NOX4: variants seen among roughly 807,000 people sequenced by gnomAD.
NOX4 encodes kidney oxidase-1.
Under a neutral mutation model 87.6 loss-of-function variants are expected in NOX4, and 69 were observed. That is an observed-to-expected ratio of 0.79 (90% confidence interval 0.65 to 0.96). The LOEUF (loss-of-function observed/expected upper bound fraction) is 0.96, where lower values mean the gene tolerates loss of function less well. Ranked by LOEUF, NOX4 falls within the 40% of genes least tolerant of loss-of-function variation. The probability of loss-of-function intolerance (pLI) is 0.00; values close to 1 mark genes in which losing one functional copy is unlikely to be tolerated. For missense variants in NOX4, 680 were observed against 681.5 expected (o/e 1.00, Z 0.02); for synonymous variants, 275 against 238.2 (o/e 1.15, Z -1.42).
Position 89,402,669 on chromosome 11 carries a change from A to T in NOX4, c.630-127T>A, listed in dbSNP as rs1352288268. On this transcript the variant is annotated intron_variant, in intron 8 of 17. Transcript: ENST00000263317. Reference sequence around the variant, plus strand: ...AACTTTACACAGCATTTATCCAAAAAGTGTTCCTTATGTATTATGTTTAGG... The same window carrying T: ...AACTTTACACAGCATTTATCCAAAATGTGTTCCTTATGTATTATGTTTAGG... 7 of 731,508 alleles carry T rather than the reference A, an allele frequency of 9.6e-6. No homozygotes were observed. In the Admixed American group the frequency reaches 1.7e-4, roughly 18 times the overall value. The allele number at this position is 731,508 out of a possible 1,614,324, so 45.3% of individuals were successfully genotyped here.
chr11:89,562,607 A>G, the NOX4 span, among the ~76,000 whole-genome samples: 1 of 152,278 alleles, frequency 6.6e-6, no homozygotes, highest in East Asian at 1.9e-4. Context: ...TTTCATCCTC[A>G]TAAGGCTCAA....
intron 2 of NOX4, among the ~76,000 whole-genome samples, chr11:89,459,466 A>G (rs1261873098): frequency 1.3e-5 from 2 of 152,198 alleles, no homozygotes; most frequent in Non-Finnish European, 2.9e-5. Flanking sequence ...AAAAAAACTC[A>G]GGATACAAAA....
At chr11:89,408,572 C>G (rs1337263058) in intron 8 of NOX4, among the ~76,000 whole-genome samples, 3 of 152,250 alleles carry the variant, frequency 2.0e-5, no homozygotes, top group Admixed American at 6.5e-5. Context: ...TTTACTCCCA[C>G]CCCTACTTTG....
chr11:89,505,343 T>C, the NOX4 span, among the ~76,000 whole-genome samples: 1 of 151,956 alleles, frequency 6.6e-6, no homozygotes, highest in African/African-American at 2.4e-5. Flanking sequence ...GATAAGTTGT[T>C]AAATGAGTAA....
chr11:89,368,568 G>A (rs1373748563), intron 12 of NOX4, among the ~76,000 whole-genome samples: 2 of 152,120 alleles, frequency 1.3e-5, no homozygotes, highest in Non-Finnish European at 2.9e-5. Flanking sequence ...GAGCAGAAGA[G>A]AGTCAATCAA....
the NOX4 span, among the ~76,000 whole-genome samples, chr11:89,518,431 C>T: frequency 6.6e-6 from 1 of 151,624 alleles, no homozygotes; most frequent in African/African-American, 2.4e-5. Flanking sequence ...TCAAGAAAAA[C>T]ATGATCAGAA....
rs1483976777 is a variant in NOX4 at position 89,378,255 on chromosome 11, T to C, written c.1075-4763A>G. 2.0e-5 allele frequency among the ~76,000 whole-genome samples: 3 copies of C among 152,182 alleles called. No individual in the cohort carries two copies. In the East Asian group the frequency reaches 5.8e-4, roughly 29 times the overall value. ...ACTCTAATTGAGCTAAACGAATACT[T>C]ATCAACCAATACATTTTCTCGTCCC... On this transcript the variant is annotated intron_variant, in intron 11 of 17. Transcript: ENST00000263317.
chr11:89,571,366 G>C, the NOX4 span, among the ~76,000 whole-genome samples: 1 of 150,026 alleles, frequency 6.7e-6, no homozygotes, highest in Admixed American at 6.6e-5. Flanking sequence ...GCATGATGTC[G>C]ACTCACTCCA....
intron 11 of NOX4, among the ~76,000 whole-genome samples, chr11:89,391,268 A>T (rs1941103016): frequency 6.6e-6 from 1 of 152,154 alleles, no homozygotes; most frequent in Non-Finnish European, 1.5e-5. Context: ...ACTTAATCTA[A>T]TAGGGAAGGG....
chr11:89,333,842 C>T (rs1945582965), intron 17 of NOX4, among the ~76,000 whole-genome samples: 1 of 151,750 alleles, frequency 6.6e-6, no homozygotes, highest in Non-Finnish European at 1.5e-5. Flanking sequence ...ATTTCAGGCA[C>T]CTGCCTGAGA....
chr11:89,414,833 A>T (rs1226458588), intron 8 of NOX4, among the ~76,000 whole-genome samples: 3 of 151,812 alleles, frequency 2.0e-5, no homozygotes, highest in African/African-American at 7.2e-5. Flanking sequence ...TGAACTTCTG[A>T]TTCAAAACAG....
At chr11:89,433,927 A>G (rs1943949591) in intron 6 of NOX4, among the ~76,000 whole-genome samples, 1 of 152,100 alleles carries the variant, frequency 6.6e-6, no homozygotes, top group African/African-American at 2.4e-5. Context: ...TTGTATTATT[A>G]CAAAATTAAA....
chr11:89,508,951 T>A, the NOX4 span, among the ~76,000 whole-genome samples: 111 of 152,176 alleles, frequency 7.3e-4, no homozygotes, highest in Middle Eastern at 3.4e-3. Context: ...AGATTTTTTT[T>A]AAAAATGGTG....
chr11:89,345,182 A>T (rs1050763696), intron 13 of NOX4, among the ~76,000 whole-genome samples: 1 of 152,088 alleles, frequency 6.6e-6, no homozygotes, highest in Admixed American at 6.6e-5. Flanking sequence ...GCTAGGCCCT[A>T]CCCCAAGACT....
chr11:89,410,057 AAAAAT>A (rs144473626), intron 8 of NOX4, among the ~76,000 whole-genome samples: 67,257 of 150,356 alleles, frequency 0.45, 16,054 homozygotes, highest in African/African-American at 0.62. Flanking sequence ...CCATGTCTCA[AAAAAT>A]AAAATAAAAT....
At chr11:89,427,670 A>G (rs1446336922) in intron 7 of NOX4, among the ~76,000 whole-genome samples, 1 of 152,154 alleles carries the variant, frequency 6.6e-6, no homozygotes, top group Non-Finnish European at 1.5e-5. Flanking sequence ...GTTTAGAGAG[A>G]AAAGAGTAAA....
the NOX4 span, among the ~76,000 whole-genome samples, chr11:89,517,850 G>T: frequency 6.6e-6 from 1 of 151,970 alleles, no homozygotes; most frequent in Non-Finnish European, 1.5e-5. Context: ...AGCACCCAGT[G>T]TGTAGCCTGG....
the NOX4 span, among the ~76,000 whole-genome samples, chr11:89,529,489 T>C: frequency 2.6e-5 from 4 of 152,168 alleles, no homozygotes; most frequent in Admixed American, 1.3e-4. Context: ...GATATTTAAG[T>C]AGTTAAATAC....
the NOX4 span, among the ~76,000 whole-genome samples, chr11:89,575,833 A>G: frequency 6.6e-6 from 1 of 152,090 alleles, no homozygotes; most frequent in Non-Finnish European, 1.5e-5. Context: ...AAGCATTACA[A>G]AAACACTAGA....
Sources: gnomAD v4.1 joint callset for allele counts (sites outside exome capture counted in the v4.1 genomes callset) on GRCh38, gnomAD v4.1.1 for gene constraint, MANE v1.5 for transcripts, NCBI Gene and HGNC (gene_info 2026-07-23, HGNC 2026-07-21) for gene names.